The following ABCB5 variants were observed in gnomAD, a reference collection of about 807,000 sequenced individuals.
ABCB5 encodes ATP-binding cassette sub-family B member 5.
A neutral mutation model predicts 144.2 loss-of-function variants in ABCB5; 155 were observed. The ratio of observed to expected loss-of-function variants is 1.08; its 90% CI spans 0.94 to 1.23. The LOEUF (loss-of-function observed/expected upper bound fraction) is 1.23, where lower values mean the gene tolerates loss of function less well. Among genes scored for constraint, ABCB5 ranks in the 50% most tolerant of loss-of-function variants. The pLI is 0.00. For missense variants in ABCB5, 1,830 were observed against 1,520.8 expected (o/e 1.20, Z -3.38); for synonymous variants, 610 against 528.6 (o/e 1.15, Z -2.11).
intron 16 of ABCB5, among the ~76,000 whole-genome samples, chr7:20,695,793 T>A (rs532438755): frequency 5.3e-4 from 80 of 151,946 alleles, no homozygotes; most frequent in African/African-American, 1.9e-3. Context: ...GATGAGCACA[T>A]TGGAAATAAG....
intron 1 of ABCB5, among the ~76,000 whole-genome samples, chr7:20,619,141 T>C (rs1240045296): frequency 6.6e-6 from 1 of 152,078 alleles, no homozygotes; most frequent in Non-Finnish European, 1.5e-5. Context: ...GTGTCTGCTA[T>C]TGTGAATAGT....
At chr7:20,718,271 G>T (rs1258501900) in intron 20 of ABCB5, among the ~76,000 whole-genome samples, 1 of 152,110 alleles carries the variant, frequency 6.6e-6, no homozygotes, top group Non-Finnish European at 1.5e-5. Flanking sequence ...TAGGGTCGGA[G>T]GGACACAATG....
chr7:20,707,869 T>C (rs1338202467), intron 20 of ABCB5, among the ~76,000 whole-genome samples: 4 of 142,834 alleles, frequency 2.8e-5, no homozygotes, highest in Non-Finnish European at 4.5e-5. Flanking sequence ...AGTGGCGCGA[T>C]CTCGGCTCAC....
intron 14 of ABCB5, among the ~76,000 whole-genome samples, chr7:20,678,542 G>C (rs1294753598): frequency 1.3e-5 from 2 of 152,114 alleles, no homozygotes; most frequent in African/African-American, 4.8e-5. Flanking sequence ...AACAATACTA[G>C]CTGTCGATTG....
chr7:20,629,145 C>CGCGTGTGTGT (rs1783976168), intron 4 of ABCB5, among the ~76,000 whole-genome samples: 1 of 135,058 alleles, frequency 7.4e-6, no homozygotes, highest in African/African-American at 2.8e-5. Flanking sequence ...AGAGAGACTG[C>CGCGTGTGTGT]GTGTGTGTGT....
At chr7:20,734,672 G>A (rs933190666) in intron 23 of ABCB5, among the ~76,000 whole-genome samples, 10 of 151,818 alleles carry the variant, frequency 6.6e-5, no homozygotes, top group Admixed American at 1.3e-4. Flanking sequence ...AAGACAACAC[G>A]CATGTCTTAT....
intron 14 of ABCB5, among the ~76,000 whole-genome samples, chr7:20,673,338 A>G (rs998966264): frequency 1.3e-5 from 2 of 152,032 alleles, no homozygotes; most frequent in African/African-American, 4.8e-5. Flanking sequence ...TACTTGTTCT[A>G]TCAGTTACTG....
intron 14 of ABCB5, among the ~76,000 whole-genome samples, chr7:20,662,116 T>G (rs1785021991): frequency 6.6e-6 from 1 of 152,178 alleles, no homozygotes; most frequent in South Asian, 2.1e-4. Context: ...CTGTGAAATG[T>G]TAAAAGTGGT....
At chr7:20,667,231 T>G in intron 14 of ABCB5, 4 of 954,842 alleles carry the variant, frequency 4.2e-6, no homozygotes, top group Non-Finnish European at 5.0e-6. Context: ...TAATCAAATA[T>G]TTATAGTTTA....
intron 14 of ABCB5, chr7:20,658,976 C>G: frequency 6.9e-7 from 1 of 1,440,424 alleles, no homozygotes; most frequent in Admixed American, 1.7e-5. Flanking sequence ...AGTGGCCCAC[C>G]ACTATCATCA....
At chr7:20,702,028 T>G (rs114435019) in intron 19 of ABCB5, among the ~76,000 whole-genome samples, 1,960 of 152,308 alleles carry the variant, frequency 0.013, 49 homozygotes, top group African/African-American at 0.045. Context: ...TGCTCAGACT[T>G]GCAGTGCTTT....
Position 20,647,979 on chromosome 7 carries a change from A to G in ABCB5, c.1107A>G (p.Ile369Met), listed in dbSNP as rs780722175. 2 of 1,596,820 alleles carry G rather than the reference A, an allele frequency of 1.3e-6. No homozygotes were observed. Among genetic ancestry groups the G allele is most frequent in the Non-Finnish European group, 1.7e-6 (2 of 1,164,790 alleles). The change falls in exon 11 of 28, where the codon ATA (isoleucine) becomes ATG (methionine). Residue 369 changes from isoleucine to methionine, a missense_variant. Transcript: ENST00000404938. ...IFQVIDKKPS[I>M]DNFSTAGYKP... ...TTTGTTTTTCCAAGAAACCCAGTAT[A>G]GATAACTTTTCCACAGCTGGATATA...
chr7:20,689,035 A>G (rs2214917), intron 16 of ABCB5, among the ~76,000 whole-genome samples: 33,625 of 151,974 alleles, frequency 0.22, 3,986 homozygotes, highest in African/African-American at 0.31. Context: ...GTTAATGGGT[A>G]CAGCACACCA....
At chr7:20,696,478 A>G (rs1430468270) in intron 16 of ABCB5, among the ~76,000 whole-genome samples, 2 of 152,074 alleles carry the variant, frequency 1.3e-5, no homozygotes, top group Admixed American at 6.6e-5. Flanking sequence ...GAAAACTTCT[A>G]GGGGTAATGG....
At chr7:20,625,478 G>A (rs531750017) in intron 2 of ABCB5, among the ~76,000 whole-genome samples, 3 of 152,248 alleles carry the variant, frequency 2.0e-5, no homozygotes, top group Admixed American at 6.5e-5. Flanking sequence ...AGCATACAAA[G>A]CTAAGAAATG....
intron 23 of ABCB5, among the ~76,000 whole-genome samples, chr7:20,731,596 G>A (rs1375375828): frequency 6.6e-6 from 1 of 151,840 alleles, no homozygotes; most frequent in Non-Finnish European, 1.5e-5. Flanking sequence ...AATTACTTAG[G>A]AGACACCTCC....
At position 20,623,324 on chromosome 7, in the gene ABCB5, T is replaced by A. The variant is rs774930764; in HGVS notation, c.39T>A (p.Asn13Lys). 1.3e-6 allele frequency: 2 copies of A among 1,549,398 alleles called. No homozygotes were observed. Among genetic ancestry groups the A allele is most frequent in the Non-Finnish European group, 1.7e-6 (2 of 1,144,424 alleles). The change falls in exon 2 of 28, where the codon AAT (asparagine) becomes AAA (lysine). Residue 13 changes from asparagine to lysine, a missense_variant. Asn to Lys is a moderately conservative substitution (Grantham distance 94). Transcript: ENST00000404938. ...AAAGAGCTGAAGAAATGCAAGAAAA[T>A]TATCAGAGAAATGGGTAAGCTCTCA... ...NSERAEEMQE[N>K]YQRNGTAEEQ...
At chr7:20,731,753 CCTGTTG>C (rs1324007903) in intron 23 of ABCB5, among the ~76,000 whole-genome samples, 1 of 152,134 alleles carries the variant, frequency 6.6e-6, no homozygotes, top group African/African-American at 2.4e-5. Context: ...TGGAGTCATC[CCTGTTG>C]CTTCTCTTGC....
intron 5 of ABCB5, among the ~76,000 whole-genome samples, chr7:20,641,046 A>G (rs761184415): frequency 3.3e-5 from 5 of 152,084 alleles, no homozygotes; most frequent in Non-Finnish European, 5.9e-5. Context: ...TTTCAAATCC[A>G]CATCCCCAGC....
Sources: gnomAD v4.1 joint callset for allele counts (sites outside exome capture counted in the v4.1 genomes callset) on GRCh38, gnomAD v4.1.1 for gene constraint, MANE v1.5 for transcripts, NCBI Gene and HGNC (gene_info 2026-07-23, HGNC 2026-07-21) for gene names.